PDE11A: variants seen among roughly 807,000 people sequenced by gnomAD.
PDE11A encodes the protein dual 3',5'-cyclic-AMP and -GMP phosphodiesterase 11A.
PDE11A carries 100 observed loss-of-function variants against 100.5 expected under a neutral mutation model. The observed-to-expected ratio is 1.00, with a 90% CI of 0.85 to 1.18. The LOEUF (loss-of-function observed/expected upper bound fraction) is 1.18, where lower values mean the gene tolerates loss of function less well. Ranked by LOEUF, PDE11A falls within the 50% of genes most tolerant of loss-of-function variation. The pLI, the probability that PDE11A is intolerant of heterozygous loss-of-function variation, is 0.00. For synonymous variants in PDE11A, 381 were observed against 420.8 expected, an observed-to-expected ratio of 0.91 and a Z score of 1.16; for missense variants, 1,141 against 1,152.6, an observed-to-expected ratio of 0.99 and a Z score of 0.15.
intron 2 of PDE11A, among the ~76,000 whole-genome samples, chr2:177,919,398 G>C (rs1313070684): frequency 1.3e-5 from 2 of 152,056 alleles, no homozygotes; most frequent in Non-Finnish European, 2.9e-5. Context: ...CGCCTGGCCA[G>C]AAGATTTGAT....
chr2:177,954,406 G>A (rs75859936), intron 2 of PDE11A, among the ~76,000 whole-genome samples: 5,723 of 152,110 alleles, frequency 0.038, 372 homozygotes, highest in African/African-American at 0.13. Context: ...AAAGTCACTC[G>A]TAATATAAAA....
intron 5 of PDE11A, among the ~76,000 whole-genome samples, chr2:177,864,931 G>A (rs2084003139): frequency 6.6e-6 from 1 of 152,078 alleles, no homozygotes; most frequent in African/African-American, 2.4e-5. Flanking sequence ...CAATGCTTAG[G>A]CTTAGAATTC....
intron 9 of PDE11A, among the ~76,000 whole-genome samples, chr2:177,804,595 T>A (rs189593783): frequency 2.0e-5 from 3 of 151,766 alleles, no homozygotes; most frequent in Non-Finnish European, 4.4e-5. Context: ...AAGAAATAAA[T>A]CATTATATAA....
Position 178,045,735 on chromosome 2 carries a change from T to C in PDE11A, c.912+25791A>G, listed in dbSNP as rs181115094. Among the ~76,000 whole-genome samples the C allele has an allele frequency of 5.9e-5, 9 of 152,372 alleles. No homozygotes were observed. In the East Asian group the frequency reaches 1.7e-3, roughly 29 times the overall value. On this transcript the variant is annotated intron_variant, in intron 1 of 19. Coordinates refer to ENST00000286063, the MANE Select transcript of PDE11A (RefSeq NM_016953.4). ...CCATGAAGTTTCCTGAGGCATCTTGTTCCAAACTCTCCAAACCTGACACAA... is the reference window on the plus strand; with the variant it reads ...CCATGAAGTTTCCTGAGGCATCTTGCTCCAAACTCTCCAAACCTGACACAA...
chr2:177,977,494 G>A (rs368565412), intron 2 of PDE11A, among the ~76,000 whole-genome samples: 63 of 107,230 alleles, frequency 5.9e-4, no homozygotes, highest in African/African-American at 1.9e-3. Flanking sequence ...AATCAATATC[G>A]TGAAAATGGC....
intron 6 of PDE11A, among the ~76,000 whole-genome samples, chr2:177,821,228 T>C (rs2083133347): frequency 6.6e-6 from 1 of 151,920 alleles, no homozygotes; most frequent in South Asian, 2.1e-4. Context: ...CTTTGAGAAG[T>C]TAATTTTCCA....
intron 5 of PDE11A, among the ~76,000 whole-genome samples, chr2:177,863,252 G>A (rs977880090): frequency 5.9e-5 from 9 of 151,830 alleles, no homozygotes; most frequent in African/African-American, 1.9e-4. Flanking sequence ...AGGGAGAAAA[G>A]TCCTGGACAA....
At chr2:177,673,177 TA>T (rs1006827498) in intron 17 of PDE11A, among the ~76,000 whole-genome samples, 37 of 152,276 alleles carry the variant, frequency 2.4e-4, no homozygotes, top group Admixed American at 8.5e-4. Flanking sequence ...ATCAAAAACA[TA>T]AAAAGCTGAC....
At chr2:178,009,832 T>C (rs932667549) in intron 2 of PDE11A, among the ~76,000 whole-genome samples, 1 of 152,232 alleles carries the variant, frequency 6.6e-6, no homozygotes, top group South Asian at 2.1e-4. Context: ...CTGATTTCCA[T>C]ATTACAAAAT....
intron 2 of PDE11A, among the ~76,000 whole-genome samples, chr2:178,098,272 C>T (rs1171069851): frequency 6.6e-6 from 1 of 152,118 alleles, no homozygotes; most frequent in Non-Finnish European, 1.5e-5. Context: ...GTAATACTTT[C>T]TTATTGTTAC....
At chr2:178,036,953 T>C (rs555807454) in intron 1 of PDE11A, among the ~76,000 whole-genome samples, 1 of 152,112 alleles carries the variant, frequency 6.6e-6, no homozygotes, top group Non-Finnish European at 1.5e-5. Flanking sequence ...ATTCAGGACA[T>C]AGGCATGGGC....
intron 17 of PDE11A, among the ~76,000 whole-genome samples, chr2:177,673,367 A>G (rs2080715582): frequency 6.6e-6 from 1 of 152,204 alleles, no homozygotes; most frequent in Non-Finnish European, 1.5e-5. Context: ...CAAGGGAAAA[A>G]GGAACCAGAG....
intron 5 of PDE11A, among the ~76,000 whole-genome samples, chr2:177,847,186 A>G (rs940994510): frequency 6.6e-6 from 1 of 152,164 alleles, no homozygotes; most frequent in Non-Finnish European, 1.5e-5. Context: ...TCCAGTCCAC[A>G]GTTCTCTCCA....
At chr2:177,922,682 C>A in intron 2 of PDE11A, 7 of 985,094 alleles carry the variant, frequency 7.1e-6, no homozygotes, top group Non-Finnish European at 8.4e-6. Context: ...TTCCCACTCC[C>A]TCACCCCCAC....
intron 19 of PDE11A, among the ~76,000 whole-genome samples, chr2:177,636,376 C>G (rs2080038940): frequency 6.6e-6 from 1 of 152,108 alleles, no homozygotes; most frequent in African/African-American, 2.4e-5. Flanking sequence ...AAGAAACTCC[C>G]CAAATGGTAC....
At chr2:177,643,291 C>T (rs1409874967) in intron 19 of PDE11A, among the ~76,000 whole-genome samples, 1 of 152,068 alleles carries the variant, frequency 6.6e-6, no homozygotes, top group Non-Finnish European at 1.5e-5. Flanking sequence ...GTGGCTCTGA[C>T]CAAAATGCTG....
intron 2 of PDE11A, among the ~76,000 whole-genome samples, chr2:178,099,009 TCAAA>T (rs924104421): frequency 3.3e-5 from 5 of 152,242 alleles, no homozygotes; most frequent in African/African-American, 1.2e-4. Flanking sequence ...ATGAATTAAT[TCAAA>T]CAATTTGTTT....
chr2:177,726,718 A>C (rs1315553468), intron 12 of PDE11A, among the ~76,000 whole-genome samples: 2 of 150,392 alleles, frequency 1.3e-5, no homozygotes, highest in Non-Finnish European at 3.0e-5. Flanking sequence ...GGACCAAAGG[A>C]AAATGCATTT....
intron 1 of PDE11A, among the ~76,000 whole-genome samples, chr2:178,021,370 G>T (rs925795426): frequency 6.6e-6 from 1 of 152,054 alleles, no homozygotes. Flanking sequence ...CTCAAAACTT[G>T]ATAAAATCAA....
Sources: gnomAD v4.1 joint callset for allele counts (sites outside exome capture counted in the v4.1 genomes callset) on GRCh38, gnomAD v4.1.1 for gene constraint, MANE v1.5 for transcripts, NCBI Gene and HGNC (gene_info 2026-07-23, HGNC 2026-07-21) for gene names.